The following GDA variants were observed in gnomAD, a reference collection of about 807,000 sequenced individuals.
The protein encoded by GDA is cytoplasmic PSD-95 interactor.
GDA carries 18 observed loss-of-function variants against 59.6 expected under a neutral mutation model. The ratio of observed to expected loss-of-function variants is 0.30; its 90% confidence interval spans 0.21 to 0.45. The LOEUF is 0.45. Among genes scored for constraint, GDA ranks in the 20% least tolerant of loss-of-function variants. The pLI is 1.00. For missense variants in GDA, 427 were observed against 552.3 expected, an observed-to-expected ratio of 0.77 and a Z score of 2.27; for synonymous variants, 201 against 201.1, an observed-to-expected ratio of 1.00 and a Z score of 0.00.
chr9:72,116,927 C>A (rs889559470), intron 1 of GDA, among the ~76,000 whole-genome samples: 1 of 149,346 alleles, frequency 6.7e-6, no homozygotes, highest in African/African-American at 2.5e-5. Context: ...CCTCCCCCCT[C>A]CCACCACCCC....
At chr9:72,122,046 C>T (rs2130578026) in intron 1 of GDA, among the ~76,000 whole-genome samples, 1 of 152,234 alleles carries the variant, frequency 6.6e-6, no homozygotes, top group African/African-American at 2.4e-5. Flanking sequence ...TAGATCAGAC[C>T]TGCCTTAGAT....
chr9:72,212,596 A>C lies in GDA; in HGVS notation c.473-1290A>C, dbSNP rs187050274. Among the ~76,000 whole-genome samples the C allele has an allele frequency of 7.4e-4, 113 of 152,294 alleles. 1 individual carries two copies. Among genetic ancestry groups the C allele is most frequent in the African/African-American group, 2.6e-3 (107 of 41,522 alleles). On this transcript the variant is annotated intron_variant, in intron 4 of 13. Coordinates refer to ENST00000358399, the MANE Select transcript of GDA (RefSeq NM_004293.5). ...CTACACATAGCAGAGAACACTGTAC[A>C]TATATAGGTTTAGACCTTAACCAAA... is the stretch of plus-strand genomic sequence containing the variant.
At chr9:72,258,615 A>G (rs1426953605), downstream of GDA, among the ~76,000 whole-genome samples, 1 of 152,250 alleles carries the variant, frequency 6.6e-6, no homozygotes, top group Non-Finnish European at 1.5e-5. Flanking sequence ...TTGCTAATTC[A>G]GTTATTGAAA....
intron 1 of GDA, among the ~76,000 whole-genome samples, chr9:72,163,716 T>C (rs1022248077): frequency 6.6e-6 from 1 of 152,140 alleles, no homozygotes; most frequent in Admixed American, 6.5e-5. Context: ...ATGGTCTCCA[T>C]CTCCTGACCT....
chr9:72,124,552 TAA>T (rs1825780563), intron 1 of GDA, among the ~76,000 whole-genome samples: 1 of 152,208 alleles, frequency 6.6e-6, no homozygotes, highest in Admixed American at 6.5e-5. Flanking sequence ...CTTTAATTTT[TAA>T]AAGAGTGTTG....
chr9:72,150,047 A>G (rs1437346963), intron 1 of GDA, among the ~76,000 whole-genome samples: 3 of 152,118 alleles, frequency 2.0e-5, no homozygotes, highest in South Asian at 2.1e-4. Context: ...TTTGTTTCCA[A>G]CACCTAGCAC....
intron 3 of GDA, among the ~76,000 whole-genome samples, chr9:72,209,690 C>A (rs1835131523): frequency 6.6e-6 from 1 of 152,058 alleles, no homozygotes; most frequent in South Asian, 2.1e-4. Flanking sequence ...CTATAAGGTG[C>A]TGACTGGAAT....
At chr9:72,117,879 G>A (rs979148926) in intron 1 of GDA, among the ~76,000 whole-genome samples, 6 of 152,208 alleles carry the variant, frequency 3.9e-5, no homozygotes, top group African/African-American at 1.4e-4. Flanking sequence ...AACAGTCACT[G>A]AGGTCAGCTA....
chr9:72,247,452 C>T lies in GDA; in HGVS notation c.1294+19C>T. The stretch of plus-strand genomic sequence containing the variant: ...TATCTAGGTAGGTAGATGCATGTCT[C>T]TATGCTAAATATTAAATAGAACCTT... On this transcript the variant is annotated intron_variant, in intron 13 of 13. Transcript: ENST00000358399. 3.8e-6 allele frequency: 5 copies of T among 1,322,498 alleles called. No individual in the cohort carries two copies. Among genetic ancestry groups the T allele is most frequent in the South Asian group, 1.2e-5 (1 of 84,572 alleles). The allele number at this position is 1,322,498 out of a possible 1,614,324, so 81.9% of individuals were successfully genotyped here.
chr9:72,231,045 T>G (rs751241001), intron 9 of GDA, 69 bp from the exon 10 acceptor site: 18 of 880,078 alleles, frequency 2.0e-5, no homozygotes, highest in Non-Finnish European at 3.5e-5. Flanking sequence ...TCACCGTCAT[T>G]GTTATTAGTG....
chr9:72,227,857 G>C (rs41287393), intron 8 of GDA, 86 bp from the exon 9 acceptor site: 7 of 714,068 alleles, frequency 9.8e-6, no homozygotes, highest in East Asian at 2.6e-5. Flanking sequence ...CTACAGCTTC[G>C]GTCTCTCTCT....
chr9:72,194,993 G>A (rs950461097), intron 1 of GDA, among the ~76,000 whole-genome samples: 2 of 152,142 alleles, frequency 1.3e-5, no homozygotes, highest in South Asian at 2.1e-4. Context: ...ACATCACCAC[G>A]CCCTGGGGGG....
chr9:72,255,874 T>G (rs1307156980), downstream of GDA, among the ~76,000 whole-genome samples: 7 of 152,222 alleles, frequency 4.6e-5, no homozygotes, highest in African/African-American at 1.7e-4. Context: ...TTATTTATTG[T>G]AACTTATGGG....
chr9:72,232,974 C>A (rs868582915), intron 10 of GDA, among the ~76,000 whole-genome samples: 1 of 152,146 alleles, frequency 6.6e-6, no homozygotes, highest in Non-Finnish European at 1.5e-5. Flanking sequence ...AAGGAAAGGG[C>A]GAAGTTGGTG....
At position 72,250,613 on chromosome 9, in the gene GDA, A is replaced by C. The variant is rs1840587611; in HGVS notation, c.*2271A>C. The C allele has an allele frequency of 8.3e-6, 13 of 1,570,814 alleles. No individual in the cohort carries two copies. The highest frequency in any genetic ancestry group is 1.1e-5 in the Non-Finnish European group (13 of 1,164,130). On this transcript the variant is annotated 3_prime_UTR_variant, in exon 14 of 14. Coordinates refer to ENST00000358399, the MANE Select transcript of GDA (RefSeq NM_004293.5). ...TTTTTCTGTACCACAGGCATTATCTATACCTGGGGCCAGATTTTCTGCACT... is the reference window on the plus strand; with the variant it reads ...TTTTTCTGTACCACAGGCATTATCTCTACCTGGGGCCAGATTTTCTGCACT...
At chr9:72,185,872 C>T (rs1408704661) in intron 1 of GDA, among the ~76,000 whole-genome samples, 1 of 152,116 alleles carries the variant, frequency 6.6e-6, no homozygotes, top group Non-Finnish European at 1.5e-5. Flanking sequence ...CCTAAATAGT[C>T]CCAGTTTCAA....
intron 1 of GDA, among the ~76,000 whole-genome samples, chr9:72,124,176 C>G (rs555070095): frequency 3.9e-5 from 6 of 152,290 alleles, no homozygotes; most frequent in South Asian, 2.1e-4. Context: ...TGGAAACCAC[C>G]TATGCCCTTT....
intron 5 of GDA, among the ~76,000 whole-genome samples, chr9:72,216,180 A>G (rs1323930252): frequency 6.6e-6 from 1 of 152,218 alleles, no homozygotes; most frequent in Non-Finnish European, 1.5e-5. Context: ...CCCTGTGAGC[A>G]TGCTCTACCT....
At chr9:72,116,464 C>T (rs1229351133) in intron 1 of GDA, among the ~76,000 whole-genome samples, 1 of 145,940 alleles carries the variant, frequency 6.9e-6, no homozygotes, top group Non-Finnish European at 1.5e-5. Flanking sequence ...CTCACTGCAA[C>T]CTCCGCCTCC....
Sources: allele counts gnomAD v4.1 joint callset (sites outside exome capture counted in the v4.1 genomes callset), GRCh38; gene constraint gnomAD v4.1.1; transcripts MANE v1.5; gene names NCBI Gene and HGNC (gene_info 2026-07-23, HGNC 2026-07-21).